Variants in SOX5 observed in about 807,000 individuals in gnomAD.
SOX5 encodes transcription factor SOX-5.
Under a neutral mutation model 92.0 loss-of-function variants are expected in SOX5, and 9 were observed. The observed-to-expected ratio is 0.10, with a 90% confidence interval of 0.06 to 0.17. The LOEUF is 0.17. SOX5 is among the 10% of genes least tolerant of loss of function. The pLI is 1.00. For missense variants in SOX5, 642 were observed against 944.5 expected, an observed-to-expected ratio of 0.68 and a Z score of 4.20; for synonymous variants, 344 against 336.3, an observed-to-expected ratio of 1.02 and a Z score of -0.25.
At chr12:23,843,943 C>A (rs933839713) in intron 3 of SOX5, among the ~76,000 whole-genome samples, 9 of 152,130 alleles carry the variant, frequency 5.9e-5, no homozygotes, top group African/African-American at 2.2e-4. Context: ...ATAGGAAGCA[C>A]AATATTTTAA....
chr12:24,538,380 T>G (rs927939276), intron 1 of SOX5, among the ~76,000 whole-genome samples: 2 of 152,158 alleles, frequency 1.3e-5, no homozygotes, highest in African/African-American at 4.8e-5. Flanking sequence ...AACTTTGACC[T>G]GCTTAAAATT....
intron 1 of SOX5, among the ~76,000 whole-genome samples, chr12:24,506,911 C>A (rs1948836747): frequency 1.3e-5 from 2 of 150,710 alleles, no homozygotes; most frequent in African/African-American, 4.9e-5. Context: ...CTGCCTCAGC[C>A]TCCCAAGTAG....
chr12:24,182,808 G>T (rs1296142656), intron 4 of SOX5, among the ~76,000 whole-genome samples: 2 of 152,154 alleles, frequency 1.3e-5, no homozygotes, highest in East Asian at 3.8e-4. Context: ...CCGCCTCACA[G>T]GTTCAAGCAA....
At chr12:24,095,164 CAG>C (rs1416272004) in intron 4 of SOX5, among the ~76,000 whole-genome samples, 1 of 93,274 alleles carries the variant, frequency 1.1e-5, no homozygotes, top group Non-Finnish European at 2.4e-5. Context: ...GAGACAGAGA[CAG>C]AGAGACAGAG....
intron 6 of SOX5, among the ~76,000 whole-genome samples, chr12:23,673,658 T>C (rs2085165686): frequency 6.6e-6 from 1 of 152,084 alleles, no homozygotes; most frequent in Non-Finnish European, 1.5e-5. Context: ...TATCAGTTAT[T>C]TTTCCCCATG....
intron 3 of SOX5, among the ~76,000 whole-genome samples, chr12:24,252,685 G>GC (rs1940346123): frequency 1.4e-5 from 2 of 143,922 alleles, no homozygotes; most frequent in South Asian, 4.4e-4. Context: ...CTGTGTCTAT[G>GC]CTTTAAAAAA....
At chr12:23,813,519 A>G (rs1182005468) in intron 3 of SOX5, among the ~76,000 whole-genome samples, 2 of 152,200 alleles carry the variant, frequency 1.3e-5, no homozygotes, top group African/African-American at 4.8e-5. Flanking sequence ...CGGAAAAAGC[A>G]AAAAGTAAAT....
chr12:23,904,228 T>G (rs1414433815), intron 1 of SOX5, among the ~76,000 whole-genome samples: 1 of 152,138 alleles, frequency 6.6e-6, no homozygotes, highest in South Asian at 2.1e-4. Context: ...CTTTCAAACT[T>G]TTATACCATT....
At chr12:23,637,025 C>T (rs1044396995) in intron 8 of SOX5, among the ~76,000 whole-genome samples, 11 of 152,134 alleles carry the variant, frequency 7.2e-5, no homozygotes, top group Admixed American at 6.5e-4. Flanking sequence ...ATTCCATAAC[C>T]ATGGGTGATA....
chr12:24,400,968 A>G (rs547963213), intron 1 of SOX5, among the ~76,000 whole-genome samples: 1 of 152,328 alleles, frequency 6.6e-6, no homozygotes, highest in South Asian at 2.1e-4. Flanking sequence ...ACAGATGACC[A>G]CTTACAATCA....
At chr12:23,744,340 C>G (rs1440334680) in intron 4 of SOX5, among the ~76,000 whole-genome samples, 3 of 152,218 alleles carry the variant, frequency 2.0e-5, no homozygotes, top group Non-Finnish European at 2.9e-5. Context: ...CGTGCCAACC[C>G]TAAGATTGTC....
intron 2 of SOX5, among the ~76,000 whole-genome samples, chr12:23,850,354 A>C (rs1423743544): frequency 6.6e-6 from 1 of 151,638 alleles, no homozygotes; most frequent in Non-Finnish European, 1.5e-5. Flanking sequence ...ACTTGAACTC[A>C]CAAGGTGGAG....
chr12:23,619,653 G>GA (rs2076955971), intron 8 of SOX5, among the ~76,000 whole-genome samples: 1 of 152,126 alleles, frequency 6.6e-6, no homozygotes, highest in African/African-American at 2.4e-5. Context: ...GATAAAAAGC[G>GA]ATAGTATTGG....
chr12:23,742,941 A>G (rs547552315), intron 4 of SOX5, among the ~76,000 whole-genome samples: 3 of 128,256 alleles, frequency 2.3e-5, no homozygotes, highest in African/African-American at 9.0e-5. Context: ...TTGCAGTGAG[A>G]TACACTGCCT....
intron 4 of SOX5, among the ~76,000 whole-genome samples, chr12:24,016,935 T>G (rs761890484): frequency 6.6e-6 from 1 of 152,166 alleles, no homozygotes; most frequent in Non-Finnish European, 1.5e-5. Context: ...TACTTTTCAG[T>G]TTTATGTAAA....
intron 4 of SOX5, among the ~76,000 whole-genome samples, chr12:23,990,503 C>T (rs1950468683): frequency 6.6e-6 from 1 of 152,138 alleles, no homozygotes; most frequent in South Asian, 2.1e-4. Context: ...CAGGCTATTG[C>T]TTTTAACTAC....
At chr12:23,595,191 A>G (rs1952172127) in intron 9 of SOX5, among the ~76,000 whole-genome samples, 1 of 152,190 alleles carries the variant, frequency 6.6e-6, no homozygotes, top group African/African-American at 2.4e-5. Flanking sequence ...ATGTAAACAT[A>G]GGGTGCTATA....
chr12:24,138,045 G>C (rs1413871349), intron 4 of SOX5, among the ~76,000 whole-genome samples: 1 of 152,244 alleles, frequency 6.6e-6, no homozygotes, highest in Non-Finnish European at 1.5e-5. Flanking sequence ...TTAAGGACAG[G>C]ACTCAAGCCT....
At chr12:23,916,353 A>G (rs1470552288) in intron 1 of SOX5, among the ~76,000 whole-genome samples, 1 of 152,206 alleles carries the variant, frequency 6.6e-6, no homozygotes, top group South Asian at 2.1e-4. Context: ...AAGAAAATCA[A>G]TAGAAAATGT....
Sources: gnomAD v4.1 joint callset for allele counts (sites outside exome capture counted in the v4.1 genomes callset) on GRCh38, gnomAD v4.1.1 for gene constraint, MANE v1.5 for transcripts, NCBI Gene and HGNC (gene_info 2026-07-23, HGNC 2026-07-21) for gene names.